Variants in CIMAP2 observed in about 807,000 individuals in gnomAD.
The protein encoded by CIMAP2 is ciliary microtubule-associated protein 2.
the CIMAP2 span, among the ~76,000 whole-genome samples, chr1:54,827,702 A>G: frequency 2.0e-5 from 3 of 152,182 alleles, no homozygotes; most frequent in Non-Finnish European, 4.4e-5. Context: ...CACTGCCCCT[A>G]TCGATGCTGT....
the CIMAP2 span, chr1:54,811,772 TGCCCCCACCCCC>T: frequency 4.4e-6 from 2 of 454,722 alleles, no homozygotes; most frequent in Non-Finnish European, 8.7e-6. Context: ...ACAGCCTCCA[TGCCCCCACCCCC>T]GCCCCACAGA....
At chr1:54,819,836 TTCTC>T in the CIMAP2 span, among the ~76,000 whole-genome samples, 2 of 98,776 alleles carry the variant, frequency 2.0e-5, no homozygotes, top group Admixed American at 1.0e-4. Flanking sequence ...CTTTCTTTCT[TTCTC>T]TTTCTTTCTT....
At chr1:54,817,144 G>C in the CIMAP2 span, 13 of 1,613,620 alleles carry the variant, frequency 8.1e-6, no homozygotes, top group Non-Finnish European at 1.0e-5. Flanking sequence ...TGGAGCTGCA[G>C]GCGAAGGGGC....
the CIMAP2 span, chr1:54,813,936 G>A: frequency 1.2e-6 from 2 of 1,612,132 alleles, no homozygotes; most frequent in Non-Finnish European, 1.7e-6. Context: ...CTACAGAGAG[G>A]ATTTACTGGG....
chr1:54,831,804 A>G, the CIMAP2 span, among the ~76,000 whole-genome samples: 1 of 152,368 alleles, frequency 6.6e-6, no homozygotes, highest in Non-Finnish European at 1.5e-5. Context: ...AACAAAGATG[A>G]GTATTTAATC....
chr1:54,811,017 G>T, the CIMAP2 span, among the ~76,000 whole-genome samples: 14 of 152,150 alleles, frequency 9.2e-5, no homozygotes, highest in Non-Finnish European at 2.1e-4. Flanking sequence ...GCTCCTCGCT[G>T]CTCCCCAAGC....
At chr1:54,821,161 A>G in the CIMAP2 span, among the ~76,000 whole-genome samples, 3 of 151,964 alleles carry the variant, frequency 2.0e-5, no homozygotes, top group Non-Finnish European at 2.9e-5. Flanking sequence ...GTTTGCAAAC[A>G]TTTTCTCCTA....
the CIMAP2 span, among the ~76,000 whole-genome samples, chr1:54,813,114 C>T: frequency 6.6e-6 from 1 of 151,654 alleles, no homozygotes; most frequent in Non-Finnish European, 1.5e-5. Flanking sequence ...AGCGCCCAGG[C>T]CACGCTGTTT....
At chr1:54,817,466 C>T in the CIMAP2 span, among the ~76,000 whole-genome samples, 7 of 152,306 alleles carry the variant, frequency 4.6e-5, no homozygotes, top group South Asian at 2.1e-4. Flanking sequence ...AGAGCCCATA[C>T]GGTCCAGTCT....
chr1:54,811,773 G>GACC, the CIMAP2 span: 23 of 1,325,046 alleles, frequency 1.7e-5, 1 homozygote, highest in South Asian at 1.2e-4. Context: ...CAGCCTCCAT[G>GACC]CCCCCACCCC....
the CIMAP2 span, chr1:54,806,224 G>T: frequency 9.2e-6 from 14 of 1,524,670 alleles, no homozygotes; most frequent in Non-Finnish European, 1.2e-5. Context: ...GCCACAGGTG[G>T]GGCCCGTTTG....
chr1:54,827,686 A>C, the CIMAP2 span, among the ~76,000 whole-genome samples: 1 of 152,216 alleles, frequency 6.6e-6, no homozygotes, highest in Admixed American at 6.5e-5. Flanking sequence ...GACACAGGTG[A>C]ATGTACACTG....
At chr1:54,817,048 G>C in the CIMAP2 span, 3,463 of 1,614,190 alleles carry the variant, frequency 2.1e-3, 15 homozygotes, top group Middle Eastern at 0.012. Flanking sequence ...AGGACAGGCG[G>C]CAGCGATATC....
At chr1:54,813,681 C>A in the CIMAP2 span, 7 of 1,043,660 alleles carry the variant, frequency 6.7e-6, no homozygotes, top group Non-Finnish European at 8.0e-6. Context: ...GCCCGGCCTC[C>A]GGCCTCCGGG....
chr1:54,811,658 A>C, the CIMAP2 span: 5 of 881,330 alleles, frequency 5.7e-6, no homozygotes, highest in Non-Finnish European at 9.0e-6. Flanking sequence ...TGTGTGTCAG[A>C]GGGCAGGTAG....
the CIMAP2 span, among the ~76,000 whole-genome samples, chr1:54,815,486 G>A: frequency 2.0e-5 from 3 of 152,148 alleles, no homozygotes; most frequent in African/African-American, 7.2e-5. Flanking sequence ...GGCCTCAGGG[G>A]CAGCTGGTGA....
At chr1:54,813,260 C>T in the CIMAP2 span, among the ~76,000 whole-genome samples, 1 of 152,012 alleles carries the variant, frequency 6.6e-6, no homozygotes, top group Non-Finnish European at 1.5e-5. Flanking sequence ...CACCAACATC[C>T]CACAGCAGCC....
the CIMAP2 span, among the ~76,000 whole-genome samples, chr1:54,839,570 G>C: frequency 6.6e-6 from 1 of 151,934 alleles, no homozygotes; most frequent in South Asian, 2.1e-4. Flanking sequence ...TAGAGACAGG[G>C]TTTCGCCATG....
chr1:54,807,017 T>C, the CIMAP2 span: 1 of 1,613,922 alleles, frequency 6.2e-7, no homozygotes, highest in Non-Finnish European at 8.5e-7. Flanking sequence ...CTGCTGTTTA[T>C]CCCAACTGGA....
Sources: allele counts gnomAD v4.1 joint callset (sites outside exome capture counted in the v4.1 genomes callset), GRCh38; gene constraint gnomAD v4.1.1; transcripts MANE v1.5; gene names NCBI Gene and HGNC (gene_info 2026-07-23, HGNC 2026-07-21).